Variants in GFI1B observed in about 807,000 individuals in gnomAD.
GFI1B encodes the protein growth factor independent 1B transcriptional repressor, also known as zinc finger protein Gfi-1b.
Under a neutral mutation model 35.3 loss-of-function variants are expected in GFI1B, and 20 were observed. That is an observed-to-expected ratio of 0.57 (90% confidence interval 0.40 to 0.82). The LOEUF (loss-of-function observed/expected upper bound fraction) is 0.82. Among genes scored for constraint, GFI1B ranks in the 40% least tolerant of loss-of-function variants. The probability of loss-of-function intolerance (pLI) is 0.00; values close to 1 mark genes in which losing one functional copy is unlikely to be tolerated. For synonymous variants in GFI1B, 178 were observed against 177.6 expected, an observed-to-expected ratio of 1.00 and a Z score of -0.02; for missense variants, 430 against 446.3, an observed-to-expected ratio of 0.96 and a Z score of 0.33.
intron 1 of GFI1B, among the ~76,000 whole-genome samples, chr9:132,956,640 C>T (rs1361003579): frequency 6.6e-6 from 1 of 152,218 alleles, no homozygotes; most frequent in African/African-American, 2.4e-5. Flanking sequence ...CAGGCCTTCC[C>T]TTTTGGGGAA....
rs34125755 is a variant in GFI1B at position 132,979,246 on chromosome 9, C to CTTTT, written c.-21+430_-21+433dup. ...GGACTTGACTAAAGTTCCTGGGACA[C>CTTTT]TTTTTTTTTTTTTTTTTTTTTTTTT... On this transcript the variant is annotated intron_variant, in intron 1 of 6. Transcript: ENST00000372122. Among the ~76,000 whole-genome samples the CTTTT allele has an allele frequency of 7.8e-3, 745 of 95,532 alleles. 48 individuals are homozygous for CTTTT. Among genetic ancestry groups the CTTTT allele is most frequent in the East Asian group, 0.037 (133 of 3,552 alleles). The allele number at this position is 95,532 out of a possible 152,430, so 62.7% of individuals were successfully genotyped here. A position where few individuals can be genotyped will look rare whatever the true frequency, so the allele number is the denominator to read the frequency against.
chr9:132,983,927 A>G (rs908949191), intron 1 of GFI1B, among the ~76,000 whole-genome samples: 3 of 152,304 alleles, frequency 2.0e-5, no homozygotes, highest in Middle Eastern at 6.8e-3. Flanking sequence ...TGAGCCCTCC[A>G]GGCTTCAGCT....
At chr9:132,969,282 C>T (rs1480299828) in intron 1 of GFI1B, among the ~76,000 whole-genome samples, 3 of 152,250 alleles carry the variant, frequency 2.0e-5, no homozygotes, top group African/African-American at 7.2e-5. Flanking sequence ...CCGCCTGCCT[C>T]AGCCTCCCAA....
chr9:132,979,568 G>A (rs186435616), intron 1 of GFI1B, among the ~76,000 whole-genome samples: 3 of 152,118 alleles, frequency 2.0e-5, no homozygotes, highest in Non-Finnish European at 4.4e-5. Flanking sequence ...AGAGTCAGGC[G>A]CTCTCCCCTC....
chr9:132,991,860 C>G (rs550509281), downstream of GFI1B, among the ~76,000 whole-genome samples: 2 of 152,074 alleles, frequency 1.3e-5, no homozygotes, highest in South Asian at 4.2e-4. Context: ...CGCTGACGAG[C>G]CAGGAGCAAG....
At chr9:132,973,002 G>A (rs187005825) in intron 2 of GFI1B, among the ~76,000 whole-genome samples, 32 of 152,350 alleles carry the variant, frequency 2.1e-4, no homozygotes, top group African/African-American at 4.3e-4. Context: ...ACCCTTCAGC[G>A]CACTCGCAGC....
chr9:132,961,378 A>G (rs532053010), intron 1 of GFI1B, among the ~76,000 whole-genome samples: 2 of 152,024 alleles, frequency 1.3e-5, no homozygotes, highest in African/African-American at 4.8e-5. Flanking sequence ...ATATACACAG[A>G]ACTATTATAT....
At position 132,984,122 on chromosome 9, in the gene GFI1B, A is replaced by G. The variant is rs1182202128; in HGVS notation, c.-20-2537A>G. On this transcript the variant is annotated intron_variant, in intron 1 of 6. Coordinates refer to ENST00000372122, the MANE Select transcript of GFI1B (RefSeq NM_001377304.1). Reference sequence around the variant, plus strand: ...TGATTTCCTCATAAATATTATGCGCAAAAAAGGATCATCTTTTGATATTTT... The same window carrying G: ...TGATTTCCTCATAAATATTATGCGCGAAAAAGGATCATCTTTTGATATTTT... 2.6e-5 allele frequency among the ~76,000 whole-genome samples: 4 copies of G among 152,216 alleles called. No individual in the cohort carries two copies. The South Asian group carries it at 6.2e-4, about 24-fold the overall frequency.
At chr9:132,954,825 T>A (rs1848259470) in intron 1 of GFI1B, among the ~76,000 whole-genome samples, 1 of 151,656 alleles carries the variant, frequency 6.6e-6, no homozygotes, top group South Asian at 2.1e-4. Context: ...TTCAAGTGAT[T>A]CTTCTGACTC....
At chr9:132,990,080 GA>G (rs1849235748) in intron 6 of GFI1B, among the ~76,000 whole-genome samples, 173 bp downstream of exon 6, 1 of 152,164 alleles carries the variant, frequency 6.6e-6, no homozygotes, top group South Asian at 2.1e-4. Flanking sequence ...TTAATGCATG[GA>G]AAAAAATACA....
chr9:132,985,726 G>A (rs1334693218), intron 1 of GFI1B, among the ~76,000 whole-genome samples: 1 of 152,202 alleles, frequency 6.6e-6, no homozygotes, highest in Non-Finnish European at 1.5e-5. Flanking sequence ...CTGCAAGCCT[G>A]GACATCCCCA....
intron 1 of GFI1B, among the ~76,000 whole-genome samples, chr9:132,946,002 G>A (rs1040107149): frequency 2.6e-5 from 4 of 152,164 alleles, no homozygotes; most frequent in African/African-American, 9.7e-5. Context: ...GGATGGTATC[G>A]GGTAGAGCCG....
rs1848705603 is a variant in GFI1B at position 132,978,701 on chromosome 9, G to A, written c.-161G>A. The A allele has an allele frequency of 6.6e-6, 1 of 152,236 alleles. No individual in the cohort carries two copies. Among genetic ancestry groups the A allele is most frequent in the Admixed American group, 6.5e-5 (1 of 15,280 alleles). 9.4% of individuals were successfully genotyped at this position (152,236 alleles called of 1,614,324 possible). ...GAACAGAAGAGGAAAAACACACAGA[G>A]AGACAGAGCAAAAAGGAGAAGTATC... On this transcript the variant is annotated 5_prime_UTR_variant, in exon 1 of 7. Transcript: ENST00000372122.
In GFI1B at chr9:132,989,008, C is replaced by A. The variant is rs891808111; in HGVS notation, c.511-53C>A. On this transcript the variant is annotated intron_variant, in intron 4 of 6. Transcript: ENST00000372122. This position sits in a 1 kb window ranked among gnomAD's most constrained non-coding sequence, Gnocchi z 6.2. ...TGGAAGAGACCATGGGACCCCAGGC[C>A]TGTCCCTGTCACCGCAGCCCCCAGT... 12 of 1,581,316 alleles carry A rather than the reference C, an allele frequency of 7.6e-6. No homozygotes were observed. Among genetic ancestry groups the A allele is most frequent in the Middle Eastern group, 1.7e-4 (1 of 5,960 alleles).
chr9:132,975,674 C>T (rs530084699), upstream of GFI1B, among the ~76,000 whole-genome samples: 2 of 152,186 alleles, frequency 1.3e-5, no homozygotes, highest in Non-Finnish European at 2.9e-5. Flanking sequence ...GCACTCGATA[C>T]ACATGTGTTA....
intron 1 of GFI1B, among the ~76,000 whole-genome samples, chr9:132,965,428 A>C (rs1848436300): frequency 1.3e-5 from 2 of 152,248 alleles, no homozygotes; most frequent in South Asian, 4.1e-4. Flanking sequence ...TAGTGGGTTG[A>C]ATAGTGGCCC....
chr9:132,945,832 G>C (rs1451631975), intron 1 of GFI1B: 2 of 153,374 alleles, frequency 1.3e-5, no homozygotes, highest in African/African-American at 4.8e-5. Context: ...AACCAAAGGA[G>C]CAAGAGCCTA....
chr9:132,991,363 C>T lies in GFI1B; in HGVS notation c.*313C>T, dbSNP rs369507845. 3.8e-3 allele frequency: 1,571 copies of T among 413,070 alleles called. 23 individuals carry two copies. Among genetic ancestry groups the T allele is most frequent in the South Asian group, 0.025 (1,099 of 44,766 alleles). 25.6% of individuals were successfully genotyped at this position (413,070 alleles called of 1,614,324 possible). A position where few individuals can be genotyped will look rare whatever the true frequency, so the allele number is the denominator to read the frequency against. Reference sequence around the variant, plus strand: ...GAATACCCCCAGGGAGACAGGGATGCCAAGAGTAGACCAGAGCTGGGACCC... The same window carrying T: ...GAATACCCCCAGGGAGACAGGGATGTCAAGAGTAGACCAGAGCTGGGACCC... On this transcript the variant is annotated 3_prime_UTR_variant, in exon 7 of 7. Transcript: ENST00000372122.
At chr9:132,971,510 C>T (rs1848531487) in intron 1 of GFI1B, among the ~76,000 whole-genome samples, 1 of 152,090 alleles carries the variant, frequency 6.6e-6, no homozygotes, top group African/African-American at 2.4e-5. Flanking sequence ...TTGTCATCTG[C>T]CTGTGTGGTT....
Sources: allele counts gnomAD v4.1 joint callset (sites outside exome capture counted in the v4.1 genomes callset), GRCh38; gene constraint gnomAD v4.1.1; non-coding constraint Gnocchi (gnomAD v3.1); transcripts MANE v1.5; gene names NCBI Gene and HGNC (gene_info 2026-07-23, HGNC 2026-07-21).